SEMA6A: variants seen among roughly 807,000 people sequenced by gnomAD.
The protein encoded by SEMA6A is semaphorin 6A, also known as semaphorin-6A.
A neutral mutation model predicts 96.8 loss-of-function variants in SEMA6A; 25 were observed. The observed-to-expected ratio is 0.26, with a 90% CI of 0.19 to 0.36. The LOEUF is 0.36. Among genes scored for constraint, SEMA6A ranks in the 10% least tolerant of loss-of-function variants. The pLI is 1.00. For synonymous variants in SEMA6A, 612 were observed against 518.0 expected (o/e 1.18, Z -2.46); for missense variants, 1,363 against 1,323.1 (o/e 1.03, Z -0.47).
intron 1 of SEMA6A, among the ~76,000 whole-genome samples, chr5:116,539,619 ACTTT>A (rs1759877126): frequency 7.9e-6 from 1 of 127,040 alleles, no homozygotes; most frequent in Non-Finnish European, 1.6e-5. Context: ...GTGTGTGTGT[ACTTT>A]CTTTAATTTT....
intron 10 of SEMA6A, among the ~76,000 whole-genome samples, chr5:116,484,599 G>A (rs903954100): frequency 6.6e-6 from 1 of 151,984 alleles, no homozygotes; most frequent in African/African-American, 2.4e-5. Flanking sequence ...CTCCAGCCTG[G>A]GTGACAGAGC....
intron 18 of SEMA6A, among the ~76,000 whole-genome samples, chr5:116,456,617 G>A (rs1755025848): frequency 1.3e-5 from 2 of 152,166 alleles, no homozygotes; most frequent in Non-Finnish European, 2.9e-5. Flanking sequence ...TATTTGCTCT[G>A]GTAGGAAGAC....
intron 18 of SEMA6A, among the ~76,000 whole-genome samples, chr5:116,465,040 A>G (rs1167466361): frequency 6.6e-6 from 1 of 152,182 alleles, no homozygotes; most frequent in Non-Finnish European, 1.5e-5. Flanking sequence ...GGGCACACAA[A>G]TGTCACATTC....
At chr5:116,563,627 A>G (rs534884812) in intron 1 of SEMA6A, among the ~76,000 whole-genome samples, 5 of 152,358 alleles carry the variant, frequency 3.3e-5, no homozygotes, top group Non-Finnish European at 5.9e-5. Context: ...ACTTTTCTTA[A>G]GCTACGTGTG....
intron 18 of SEMA6A, among the ~76,000 whole-genome samples, chr5:116,465,163 A>T (rs956293100): frequency 6.6e-6 from 1 of 152,124 alleles, no homozygotes; most frequent in African/African-American, 2.4e-5. Context: ...TCATTAAGGC[A>T]CCGACATCAG....
At chr5:116,525,693 A>G (rs1759191324) in intron 1 of SEMA6A, among the ~76,000 whole-genome samples, 1 of 152,158 alleles carries the variant, frequency 6.6e-6, no homozygotes, top group Non-Finnish European at 1.5e-5. Context: ...TTCCTTTGGG[A>G]AAAAGAGGGC....
chr5:116,480,552 C>T (rs145419285), intron 11 of SEMA6A, among the ~76,000 whole-genome samples: 2 of 152,114 alleles, frequency 1.3e-5, no homozygotes, highest in African/African-American at 4.8e-5. Context: ...CCTCAGTAAA[C>T]AGTGATGGAG....
At position 116,472,708 on chromosome 5, in the gene SEMA6A, T is replaced by A. The variant is rs895997844; in HGVS notation, c.1729+365A>T. On this transcript the variant is annotated intron_variant, in intron 17 of 18. Transcript: ENST00000343348. ...AGGACTCAGTCTCCCACATCAATTG[T>A]CTCACATAGGCAGAGTAATTTTTGA... 3 of 520,772 alleles carry A rather than the reference T, an allele frequency of 5.8e-6. No homozygotes were observed. In the Admixed American group the frequency reaches 1.1e-4, roughly 20 times the overall value. 32.3% of individuals were successfully genotyped at this position (520,772 alleles called of 1,614,324 possible). A position where few individuals can be genotyped will look rare whatever the true frequency, so the allele number is the denominator to read the frequency against.
At chr5:116,528,406 CA>C (rs1248779462) in intron 1 of SEMA6A, among the ~76,000 whole-genome samples, 2 of 152,254 alleles carry the variant, frequency 1.3e-5, no homozygotes, top group Admixed American at 1.3e-4. Context: ...TTCGCCTTTA[CA>C]ATATCAAGCT....
At position 116,488,965 on chromosome 5, in the gene SEMA6A, A is replaced by G; in HGVS notation, c.578T>C (p.Ile193Thr). 1.3e-6 allele frequency: 2 copies of G among 1,584,760 alleles called. No homozygotes were observed. The highest frequency in any genetic ancestry group is 8.6e-7 in the Non-Finnish European group (1 of 1,164,206). ...AAGACTCCGGTAAATGACTGCGTCA[A>G]TGGCAAGGAAGTCAGTCACTGTGGC... ...YSATVTDFLAIDAVIYRSLGE... is the reference protein window; with the variant it reads ...YSATVTDFLATDAVIYRSLGE... The change falls in exon 8 of 19, where the codon ATT becomes ACT. Residue 193 changes from isoleucine (I) to threonine (T), a missense_variant. Ile to Thr is a moderately conservative substitution (Grantham distance 89). This residue lies in a region of SEMA6A where 480 missense variants were observed against 559.5 expected (regional missense o/e 0.86). Coordinates refer to ENST00000343348, the MANE Select transcript of SEMA6A (RefSeq NM_020796.5).
At chr5:116,542,561 C>G (rs1475795799) in intron 1 of SEMA6A, among the ~76,000 whole-genome samples, 1 of 152,176 alleles carries the variant, frequency 6.6e-6, no homozygotes, top group Admixed American at 6.5e-5. Flanking sequence ...GGCCATACAT[C>G]TACTGCATCA....
At chr5:116,538,471 C>T (rs2112857032) in intron 1 of SEMA6A, among the ~76,000 whole-genome samples, 1 of 152,294 alleles carries the variant, frequency 6.6e-6, no homozygotes, top group South Asian at 2.1e-4. Flanking sequence ...GGAGCCACCT[C>T]AGTGTGCTGG....
rs143399883 is a variant in SEMA6A at position 116,509,605 on chromosome 5, T to TGAGAGAGA, written c.-38-4624_-38-4623insTCTCTCTC. On this transcript the variant is annotated intron_variant, in intron 1 of 18. Coordinates refer to ENST00000343348, the MANE Select transcript of SEMA6A (RefSeq NM_020796.5). ...CAGTGAAGAAGGGTGTCTCTGTGTG[T>TGAGAGAGA]GTGAGAGAGAGAGAGAGAGCATGCG... Among the ~76,000 whole-genome samples, 401 of 133,916 alleles carry TGAGAGAGA rather than the reference T, an allele frequency of 3.0e-3. 2 individuals are homozygous for TGAGAGAGA. Among genetic ancestry groups the TGAGAGAGA allele is most frequent in the African/African-American group, 9.1e-3 (337 of 37,010 alleles). The allele number at this position is 133,916 out of a possible 152,430, so 87.9% of individuals were successfully genotyped here. A position where few individuals can be genotyped will look rare whatever the true frequency, so the allele number is the denominator to read the frequency against.
At chr5:116,531,527 T>G (rs1483616920) in intron 1 of SEMA6A, among the ~76,000 whole-genome samples, 1 of 152,144 alleles carries the variant, frequency 6.6e-6, no homozygotes, top group East Asian at 1.9e-4. Context: ...TGTGTAAAAT[T>G]TTGACGCTAG....
At chr5:116,490,980 C>G (rs1361018227) in intron 7 of SEMA6A, among the ~76,000 whole-genome samples, 3 of 152,156 alleles carry the variant, frequency 2.0e-5, no homozygotes, top group African/African-American at 7.2e-5. Flanking sequence ...TTTGCTATTT[C>G]TTTATATCTT....
intron 1 of SEMA6A, among the ~76,000 whole-genome samples, chr5:116,573,031 G>T (rs1761292325): frequency 6.6e-6 from 1 of 152,190 alleles, no homozygotes; most frequent in Admixed American, 6.5e-5. Flanking sequence ...CCCCCGTGCC[G>T]CTCGGGTCTT....
intron 1 of SEMA6A, among the ~76,000 whole-genome samples, chr5:116,565,829 A>C (rs908696439): frequency 6.6e-6 from 1 of 152,168 alleles, no homozygotes; most frequent in Non-Finnish European, 1.5e-5. Context: ...ATTTTTTGTA[A>C]AGCATTCCAT....
At chr5:116,548,805 G>A (rs1760287131) in intron 1 of SEMA6A, among the ~76,000 whole-genome samples, 1 of 152,122 alleles carries the variant, frequency 6.6e-6, no homozygotes, top group South Asian at 2.1e-4. Flanking sequence ...TTATCCAATG[G>A]CATTATCCAA....
At chr5:116,502,586 GTC>G in intron 2 of SEMA6A, 1 of 407,316 alleles carries the variant, frequency 2.5e-6, no homozygotes, top group Non-Finnish European at 4.4e-6. Flanking sequence ...TTTTTGATTT[GTC>G]TCTCTTTCTC....
Sources: allele counts gnomAD v4.1 joint callset (sites outside exome capture counted in the v4.1 genomes callset), GRCh38; gene constraint gnomAD v4.1.1; regional missense constraint gnomAD v4.1.1; transcripts MANE v1.5; gene names NCBI Gene and HGNC (gene_info 2026-07-23, HGNC 2026-07-21).